INPP5J: variants seen among roughly 807,000 people sequenced by gnomAD.
The protein encoded by INPP5J is phosphatidylinositol 4,5-bisphosphate 5-phosphatase A.
Under a neutral mutation model 86.6 loss-of-function variants are expected in INPP5J, and 75 were observed. The ratio of observed to expected loss-of-function variants is 0.87; its 90% confidence interval spans 0.72 to 1.05. The LOEUF is 1.05. Among genes scored for constraint, INPP5J ranks in the 50% least tolerant of loss-of-function variants. The pLI, the probability that INPP5J is intolerant of heterozygous loss-of-function variation, is 0.00. For synonymous variants in INPP5J, 540 were observed against 550.0 expected, an observed-to-expected ratio of 0.98 and a Z score of 0.25; for missense variants, 1,229 against 1,341.2, an observed-to-expected ratio of 0.92 and a Z score of 1.31.
In INPP5J at chr22:31,124,844, G is replaced by T. The variant is rs755750537; in HGVS notation, c.106-1G>T. 6.2e-7 allele frequency: 1 copy of T among 1,608,326 alleles called. No homozygotes were observed. Among genetic ancestry groups the T allele is most frequent in the Admixed American group, 1.7e-5 (1 of 59,814 alleles). On this transcript the variant is annotated splice_acceptor_variant, in intron 1 of 12. Coordinates refer to ENST00000331075, the MANE Select transcript of INPP5J (RefSeq NM_001284285.2). LOFTEE classifies it high-confidence loss of function. ...TGAATCTTTGACTTGTCCTCCACAA[G>T]GTGGACTCAAGTTTTCAGCTCCCAG... is the stretch of plus-strand genomic sequence containing the variant.
chr22:31,125,500 A>G lies in INPP5J; in HGVS notation c.761A>G (p.Gln254Arg), dbSNP rs772213795. The G allele has an allele frequency of 3.7e-5, 57 of 1,550,212 alleles. No homozygotes were observed. The highest frequency in any genetic ancestry group is 1.2e-5 in the South Asian group (1 of 84,046). The change falls in exon 2 of 13, where the codon CAG (glutamine) becomes CGG (arginine). Residue 254 changes from glutamine (Q) to arginine (R), a missense_variant. By Grantham distance (43) the Gln-to-Arg change is conservative. Transcript: ENST00000331075. ...CTCCCTGCTTCTGAGGGGCATCTCCAGCCTCCAGCTCAGACATCTGGTCCT... is the reference window on the plus strand; with the variant it reads ...CTCCCTGCTTCTGAGGGGCATCTCCGGCCTCCAGCTCAGACATCTGGTCCT... ...RPLPASEGHL[Q>R]PPAQTSGPTG... is the part of the protein sequence containing the mutation.
At position 31,124,907 on chromosome 22, in the gene INPP5J, G is replaced by T. The variant is rs370853672; in HGVS notation, c.168G>T (p.Arg56Ser). 3.1e-6 allele frequency: 5 copies of T among 1,613,890 alleles called. No homozygotes were observed. In the African/African-American group the frequency reaches 6.7e-5, roughly 22 times the overall value. The change falls in exon 2 of 13, where the codon AGG becomes AGT. Residue 56 changes from arginine to serine, a missense_variant. Physicochemically the swap from Arg to Ser is moderately radical, Grantham distance 110. Transcript: ENST00000331075. ...KNAALGPSEP[R>S]LALAPVGPRA... Reference sequence around the variant, plus strand: ...CAGCCCTAGGACCCTCGGAACCAAGGTTGGCTCTGGCACCTGTAGGGCCAC... The same window carrying T: ...CAGCCCTAGGACCCTCGGAACCAAGTTTGGCTCTGGCACCTGTAGGGCCAC...
Position 31,133,733 on chromosome 22 carries a change from T to A in INPP5J, c.2514+19T>A. ...CTTCCAGGTAAGTAGGCCAGACTGC[T>A]GGGCTGGGGGTGCCTAAAGACTTTT... is the stretch of plus-strand genomic sequence containing the variant. On this transcript the variant is annotated intron_variant, in intron 12 of 12. Transcript: ENST00000331075. 6.2e-7 allele frequency: 1 copy of A among 1,600,252 alleles called. No homozygotes were observed. The highest frequency in any genetic ancestry group is 8.5e-7 in the Non-Finnish European group (1 of 1,169,618).
chr22:31,131,956 C>G (rs1251493370), intron 9 of INPP5J, among the ~76,000 whole-genome samples: 1 of 152,236 alleles, frequency 6.6e-6, no homozygotes, highest in Non-Finnish European at 1.5e-5. Flanking sequence ...TTGGCAACAA[C>G]TCAGTCCTTC....
chr22:31,126,585 C>T, intron 3 of INPP5J, 28 bp from the exon 4 acceptor site: 2 of 1,607,476 alleles, frequency 1.2e-6, no homozygotes, highest in South Asian at 1.1e-5. Context: ...TCTCCAATCC[C>T]ATGGCCACCC....
Position 31,133,003 on chromosome 22 carries a change from C to T in INPP5J, c.2194-95C>T, listed in dbSNP as rs1029158106. 3.4e-6 allele frequency: 5 copies of T among 1,490,836 alleles called. No individual in the cohort carries two copies. In the African/African-American group the frequency reaches 6.9e-5, roughly 21 times the overall value. 92.4% of individuals were successfully genotyped at this position (1,490,836 alleles called of 1,614,324 possible). ...CAGTCTGTAAAGTGGCCCTTTGTCT[C>T]AGGCAATTTGTGCTAAGACCCAAGA... On this transcript the variant is annotated intron_variant, in intron 9 of 12. Transcript: ENST00000331075.
At chr22:31,129,542 CTTT>C (rs56039276) in intron 9 of INPP5J, among the ~76,000 whole-genome samples, 13 of 96,302 alleles carry the variant, frequency 1.3e-4, no homozygotes, top group Admixed American at 2.7e-4. Flanking sequence ...GCCCGGCGCC[CTTT>C]TTTTTTTTTT....
chr22:31,134,333 C>T lies in INPP5J; in HGVS notation c.2935C>T (p.Pro979Ser). Residue 979 changes from proline (P) to serine (S), a missense_variant, in exon 13 of 13, where the codon CCT (proline) becomes TCT (serine). Physicochemically the swap from Pro to Ser is moderately conservative, Grantham distance 74 (BLOSUM62 -1). Coordinates refer to ENST00000331075, the MANE Select transcript of INPP5J (RefSeq NM_001284285.2). ...CCCTGGTGGTGGTGGCTCCTGGGGA[C>T]CTGATCGGGAGGCCCTGGCGCCCAA... Reference protein sequence around the residue: ...VDPGGGGSWGPDREALAPNSL... With the variant: ...VDPGGGGSWGSDREALAPNSL... 2 of 1,547,814 alleles carry T rather than the reference C, an allele frequency of 1.3e-6. No individual in the cohort carries two copies. Among genetic ancestry groups the T allele is most frequent in the Middle Eastern group, 1.7e-4 (1 of 5,982 alleles).
chr22:31,128,359 G>A (rs1921716093), intron 8 of INPP5J, 36 bp downstream of exon 8: 1 of 1,565,878 alleles, frequency 6.4e-7, no homozygotes, highest in African/African-American at 1.4e-5. Context: ...AGGGGAAGTG[G>A]GCTGAGGTCT....
intron 9 of INPP5J, among the ~76,000 whole-genome samples, chr22:31,132,629 C>A (rs1272627340): frequency 6.6e-6 from 1 of 151,824 alleles, no homozygotes; most frequent in Non-Finnish European, 1.5e-5. Context: ...GTCTCAGCTA[C>A]TGGGGAGGCT....
intron 1 of INPP5J, among the ~76,000 whole-genome samples, 156 bp from the exon 2 acceptor site, chr22:31,124,689 C>T (rs1204268891): frequency 2.0e-5 from 3 of 152,170 alleles, no homozygotes; most frequent in Non-Finnish European, 4.4e-5. Flanking sequence ...CAGAAGTTGA[C>T]CTGCAGCAGA....
rs1050292857 is a variant in INPP5J at position 31,127,040 on chromosome 22, G to A, written c.1611+3G>A. The A allele has an allele frequency of 3.2e-6, 5 of 1,576,088 alleles. No homozygotes were observed. The highest frequency in any genetic ancestry group is 4.3e-6 in the Non-Finnish European group (5 of 1,156,646). On this transcript the variant is annotated splice_donor_region_variant and intron_variant, in intron 5 of 12. Coordinates refer to ENST00000331075, the MANE Select transcript of INPP5J (RefSeq NM_001284285.2). ...GCACTGGCCTGGGCGGCTACTGGGT[G>A]AGCCTGTGAGCAGGCCCAGAAGAGG... is the stretch of plus-strand genomic sequence containing the variant.
At chr22:31,129,709 A>T (rs922974151) in intron 9 of INPP5J, among the ~76,000 whole-genome samples, 1 of 150,164 alleles carries the variant, frequency 6.7e-6, no homozygotes, top group Non-Finnish European at 1.5e-5. Context: ...ACGCCTGGCT[A>T]ATTTTTGTAT....
chr22:31,132,756 AAAAAG>A (rs1339327054), intron 9 of INPP5J, among the ~76,000 whole-genome samples: 2 of 151,992 alleles, frequency 1.3e-5, no homozygotes, highest in Non-Finnish European at 2.9e-5. Context: ...GAAAAAAAAA[AAAAAG>A]AGTCTCTGAG....
rs752740765 is a variant in INPP5J, at chr22:31,125,660, T to A, written c.921T>A (p.Asp307Glu). 9.0e-6 allele frequency: 14 copies of A among 1,550,490 alleles called. No individual in the cohort carries two copies. In the East Asian group the frequency reaches 2.9e-4, roughly 32 times the overall value. The part of the protein sequence containing the change: ...LPRPPQTLPL[D>E]VGQGPSEPGT... Reference sequence around the variant, plus strand: ...GGCCACCCCAGACCTTGCCCTTGGATGTGGGCCAGGGTCCTTCAGAGCCTG... The same window carrying A: ...GGCCACCCCAGACCTTGCCCTTGGAAGTGGGCCAGGGTCCTTCAGAGCCTG... The change falls in exon 2 of 13, where the codon GAT (aspartate) becomes GAA (glutamate). Residue 307 changes from aspartate (D) to glutamate (E), a missense_variant. By Grantham distance (45) the Asp-to-Glu change is conservative. Coordinates refer to ENST00000331075, the MANE Select transcript of INPP5J (RefSeq NM_001284285.2).
At chr22:31,126,551 C>T (rs1921456541) in intron 3 of INPP5J, 62 bp downstream of exon 3, 3 of 1,599,370 alleles carry the variant, frequency 1.9e-6, no homozygotes, top group South Asian at 1.1e-5. Flanking sequence ...GCCCTCCACC[C>T]ATGGCAGGGG....
chr22:31,134,087 CT>C lies in INPP5J; in HGVS notation c.2691del (p.Ala898ProfsTer69). The C allele has an allele frequency of 6.4e-7, 1 of 1,561,264 alleles. No homozygotes were observed. Among genetic ancestry groups the C allele is most frequent in the Non-Finnish European group, 8.7e-7 (1 of 1,153,692 alleles). On this transcript the variant is annotated frameshift_variant, in exon 13 of 13. Transcript: ENST00000331075. LOFTEE classifies it high-confidence loss of function. ...CCCGGGACTGGCCAGGTTCCCTGGG[CT>C]TGCCCTACGGCCCTCATCCCGTGAA... ...RSPGLARFPG[L>X]ALRPSSRERR... is the part of the protein sequence containing the mutation.
rs1242584274 is a variant in INPP5J at position 31,125,021 on chromosome 22, G to A, written c.282G>A (p.Gly94=). The A allele has an allele frequency of 6.4e-7, 1 of 1,558,324 alleles. No homozygotes were observed. Among genetic ancestry groups the A allele is most frequent in the Non-Finnish European group, 8.7e-7 (1 of 1,151,270 alleles). The change falls in exon 2 of 13, where the codon GGG becomes GGA. Residue 94 remains glycine, a synonymous_variant. Coordinates refer to ENST00000331075, the MANE Select transcript of INPP5J (RefSeq NM_001284285.2). The stretch of plus-strand genomic sequence containing the variant: ...TGGCTCCACTGTGTACCCCTGAAGG[G>A]CAGAAAACAGCTACTGCCCACCGCA... ...PILAPLCTPE[G]QKTATAHRSS...
In INPP5J at chr22:31,125,855, G is replaced by A. The variant is rs1409205348; in HGVS notation, c.1116G>A (p.Arg372=). 1.9e-6 allele frequency: 3 copies of A among 1,611,020 alleles called. No individual in the cohort carries two copies. ...VPPAPDMALP[R]LGTQSTGPGR... is the part of the protein sequence containing the mutation. Reference sequence around the variant, plus strand: ...CAGCCCCTGACATGGCCCTCCCAAGGCTTGGCACACAGAGTACAGGGCCTG... The same window carrying A: ...CAGCCCCTGACATGGCCCTCCCAAGACTTGGCACACAGAGTACAGGGCCTG... Residue 372 remains arginine (R), a synonymous_variant, in exon 2 of 13, where the codon AGG becomes AGA. Transcript: ENST00000331075.
Sources: gnomAD v4.1 joint callset for allele counts (sites outside exome capture counted in the v4.1 genomes callset) on GRCh38, gnomAD v4.1.1 for gene constraint, MANE v1.5 for transcripts, NCBI Gene and HGNC (gene_info 2026-07-23, HGNC 2026-07-21) for gene names.